Variants in TMEM214 observed in about 807,000 individuals in gnomAD.
TMEM214 encodes the protein transmembrane protein 214.
A neutral mutation model predicts 89.8 loss-of-function variants in TMEM214; 71 were observed. The ratio of observed to expected loss-of-function variants is 0.79; its 90% CI spans 0.65 to 0.96. The LOEUF is 0.96. Ranked by LOEUF, TMEM214 falls within the 40% of genes least tolerant of loss-of-function variation. TMEM214 has a pLI of 0.00. For missense variants in TMEM214, 754 were observed against 843.4 expected (o/e 0.89, Z 1.31); for synonymous variants, 332 against 349.5 (o/e 0.95, Z 0.56).
intron 2 of TMEM214, chr2:27,034,524 G>C: frequency 4.3e-6 from 2 of 467,878 alleles, no homozygotes; most frequent in East Asian, 7.8e-5. Context: ...CCAGGGAGGA[G>C]ATGGAGAAAC....
chr2:27,035,253 T>C lies in TMEM214; in HGVS notation c.470T>C (p.Leu157Pro). The C allele has an allele frequency of 6.2e-7, 1 of 1,614,232 alleles. No individual in the cohort carries two copies. The highest frequency in any genetic ancestry group is 8.5e-7 in the Non-Finnish European group (1 of 1,180,042). ...SYLNYKLQAP[L>P]SEPTLSQHTH... ...CTCAACTACAAGCTACAAGCTCCTC[T>C]AAGTGAACCCACGCTGAGCCAGCAT... Residue 157 changes from leucine to proline, a missense_variant, in exon 3 of 17, where the codon CTA (leucine) becomes CCA (proline). Transcript: ENST00000238788.
At chr2:27,039,443 G>A (rs955560998) in intron 13 of TMEM214, 58 of 590,434 alleles carry the variant, frequency 9.8e-5, no homozygotes, top group Non-Finnish European at 1.6e-4. Context: ...TCAGAAAGAT[G>A]TAGCAATTAG....
At position 27,032,994 on chromosome 2, in the gene TMEM214, C is replaced by T. The variant is rs887712464; in HGVS notation, c.-22C>T. ...CGGACCGGAAAGCCGGGGAAGTGGC[C>T]GAGGAGGGAGGGCTGCGAGCCATGG... is the stretch of plus-strand genomic sequence containing the variant. On this transcript the variant is annotated 5_prime_UTR_variant, in exon 1 of 17. Coordinates refer to ENST00000238788, the MANE Select transcript of TMEM214 (RefSeq NM_017727.5). The T allele has an allele frequency of 8.0e-7, 1 of 1,245,368 alleles. No individual in the cohort carries two copies. The allele number at this position is 1,245,368 out of a possible 1,614,324, so 77.1% of individuals were successfully genotyped here.
At chr2:27,039,653 G>C in intron 13 of TMEM214, 88 bp from the exon 14 acceptor site, 1 of 1,163,138 alleles carries the variant, frequency 8.6e-7, no homozygotes, top group Non-Finnish European at 1.3e-6. Flanking sequence ...CCAGCGCCTC[G>C]CTGTGCCTGC....
chr2:27,039,906 A>G (rs945449204), intron 14 of TMEM214, 69 bp downstream of exon 14: 82 of 1,475,292 alleles, frequency 5.6e-5, no homozygotes, highest in Non-Finnish European at 7.7e-5. Context: ...GGAGGAGGCG[A>G]CAGTCAGTGG....
In TMEM214 at chr2:27,040,416, C is replaced by A; in HGVS notation, c.1863C>A (p.His621Gln). The A allele has an allele frequency of 6.2e-7, 1 of 1,614,238 alleles. No homozygotes were observed. The highest frequency in any genetic ancestry group is 8.5e-7 in the Non-Finnish European group (1 of 1,180,042). Residue 621 changes from histidine (H) to glutamine (Q), a missense_variant, in exon 16 of 17, where the codon CAC becomes CAA. Coordinates refer to ENST00000238788, the MANE Select transcript of TMEM214 (RefSeq NM_017727.5). The part of the protein sequence containing the change: ...RYLRELPLLF[H>Q]QNVLLPLWHL... ...TGAGAGAGCTGCCCCTGCTTTTCCA[C>A]CAGAATGTGCTGCTGCCACTGTGGC... is the stretch of plus-strand genomic sequence containing the variant.
intron 13 of TMEM214, chr2:27,039,375 A>G (rs1208785139): frequency 5.0e-6 from 3 of 595,018 alleles, no homozygotes; most frequent in South Asian, 2.0e-5. Context: ...AAGTGCTTGC[A>G]TATTCATAGT....
chr2:27,033,157 G>A lies in TMEM214; in HGVS notation c.142G>A (p.Asp48Asn), dbSNP rs1266127634. The change falls in exon 1 of 17, where the codon GAC becomes AAC. Residue 48 changes from aspartate to asparagine, a missense_variant. By Grantham distance (23) the Asp-to-Asn change is conservative. Coordinates refer to ENST00000238788, the MANE Select transcript of TMEM214 (RefSeq NM_017727.5). The stretch of plus-strand genomic sequence containing the variant: ...GGAAGCAAACGGAGTGTGGAAATAC[G>A]ACCTGACCCGTGAGTACCCGCCCTG... ...LGEANGVWKY[D>N]LTPAIQTTST... 1 of 1,239,554 alleles carries A rather than the reference G, an allele frequency of 8.1e-7. No individual in the cohort carries two copies. The highest frequency in any genetic ancestry group is 4.1e-5 in the South Asian group (1 of 24,300). The allele number at this position is 1,239,554 out of a possible 1,614,324, so 76.8% of individuals were successfully genotyped here. A position where few individuals can be genotyped will look rare whatever the true frequency, so the allele number is the denominator to read the frequency against.
At chr2:27,037,795 A>G (rs1056041297) in intron 9 of TMEM214, 93 bp downstream of exon 9, 1 of 1,611,804 alleles carries the variant, frequency 6.2e-7, no homozygotes, top group Non-Finnish European at 8.5e-7. Context: ...CACAGAGCCC[A>G]TTCTGAGGCT....
At chr2:27,036,858 T>C (rs1663458815) in intron 7 of TMEM214, 72 bp downstream of exon 7, 2 of 1,487,588 alleles carry the variant, frequency 1.3e-6, no homozygotes, top group African/African-American at 1.4e-5. Context: ...AATGGGAGGC[T>C]ATGATCTTGG....
rs746295903 is a variant in TMEM214, at chr2:27,038,285, G to A, written c.1244+48G>A. The A allele has an allele frequency of 3.8e-6, 6 of 1,599,172 alleles. No individual in the cohort carries two copies. Among genetic ancestry groups the A allele is most frequent in the African/African-American group, 1.3e-5 (1 of 74,624 alleles). ...CTGTCCCTGTGCTAGAAGCAGAAGG[G>A]GAGCCTGGGTCACTGTCCCATGGCC... On this transcript the variant is annotated intron_variant, in intron 10 of 16. Coordinates refer to ENST00000238788, the MANE Select transcript of TMEM214 (RefSeq NM_017727.5). The surrounding 1 kb of genome is among the most constrained non-coding windows in gnomAD (Gnocchi z 4.4).
At position 27,040,076 on chromosome 2, in the gene TMEM214, G is replaced by A. The variant is rs201657793; in HGVS notation, c.1669G>A (p.Val557Met). Residue 557 changes from valine to methionine, a missense_variant, in exon 15 of 17, where the codon GTG becomes ATG. Transcript: ENST00000238788. ...LPLWGSHLLTVVRPSLQLAWA... is the reference protein window; with the variant it reads ...LPLWGSHLLTMVRPSLQLAWA... ...GCTCTGGGGCTCCCACCTGCTCACC[G>A]TGGTGCGGCCCAGCTTGCAGCTGGC... 2.2e-4 allele frequency: 347 copies of A among 1,608,722 alleles called. 3 individuals are homozygous for A. The African/African-American group carries it at 3.6e-3, about 17-fold the overall frequency.
At position 27,035,156 on chromosome 2, in the gene TMEM214, A is replaced by C; in HGVS notation, c.373A>C (p.Lys125Gln). Reference sequence around the variant, plus strand: ...GCAGCTGGATGTGGCAGACCTGCAGAAGGAACTGGACAAGAGCCAGAGTGT... The same window carrying C: ...GCAGCTGGATGTGGCAGACCTGCAGCAGGAACTGGACAAGAGCCAGAGTGT... ...LKALDVADLQKELDKSQSVFS... is the reference protein window; with the variant it reads ...LKALDVADLQQELDKSQSVFS... The change falls in exon 3 of 17, where the codon AAG becomes CAG. Residue 125 changes from lysine (K) to glutamine (Q), a missense_variant. Physicochemically the swap from Lys to Gln is moderately conservative, Grantham distance 53. Transcript: ENST00000238788. The C allele has an allele frequency of 6.2e-7, 1 of 1,614,108 alleles. No homozygotes were observed.
In TMEM214 at chr2:27,039,765, G is replaced by A. The variant is rs1473707933; in HGVS notation, c.1550G>A (p.Arg517Gln). ...FQASLTGRLL[R>Q]SSGFLPASQQ... Reference sequence around the variant, plus strand: ...GCCTCCCTTACTGGCCGGTTGCTTCGATCATCTGGCTTCTTACCTGCTAGC... The same window carrying A: ...GCCTCCCTTACTGGCCGGTTGCTTCAATCATCTGGCTTCTTACCTGCTAGC... The change falls in exon 14 of 17, where the codon CGA becomes CAA. Residue 517 changes from arginine to glutamine, a missense_variant. Transcript: ENST00000238788. 5.0e-6 allele frequency: 8 copies of A among 1,614,170 alleles called. No individual in the cohort carries two copies. The highest frequency in any genetic ancestry group is 4.4e-5 in the South Asian group (4 of 91,082).
At chr2:27,039,561 C>G (rs1379193691) in intron 13 of TMEM214, 180 bp from the exon 14 acceptor site, 1 of 634,294 alleles carries the variant, frequency 1.6e-6, no homozygotes, top group African/African-American at 1.8e-5. Flanking sequence ...CCTGGCCCAG[C>G]AGGAGAAGGG....
Position 27,037,562 on chromosome 2 carries a change from C to T in TMEM214, c.1012C>T (p.Leu338=), listed in dbSNP as rs753222504. ...GTCTTTCCTCCCCACCCCACCCAGC[C>T]TGCAGGAGCAGCTGTGTCAGCTCTA... The part of the protein sequence containing the change: ...YMPNNSLTPS[L]QEQLCQLYPR... The change falls in exon 9 of 17, where the codon CTG becomes TTG. Residue 338 remains leucine, a splice_region_variant and synonymous_variant. Transcript: ENST00000238788. 1 of 1,614,222 alleles carries T rather than the reference C, an allele frequency of 6.2e-7. No homozygotes were observed. Among genetic ancestry groups the T allele is most frequent in the Non-Finnish European group, 8.5e-7 (1 of 1,180,042 alleles).
Position 27,035,566 on chromosome 2 carries a change from C to G in TMEM214, c.503-28C>G, listed in dbSNP as rs1031613970. ...AGAGCTGATGGGTGTCTGGTCCTAG[C>G]ACTCACATTGAGGCCTATGGGCCTT... On this transcript the variant is annotated intron_variant, in intron 3 of 16. Coordinates refer to ENST00000238788, the MANE Select transcript of TMEM214 (RefSeq NM_017727.5). The G allele has an allele frequency of 1.9e-6, 3 of 1,613,302 alleles. No individual in the cohort carries two copies. The Admixed American group carries it at 5.0e-5, about 27-fold the overall frequency.
intron 5 of TMEM214, among the ~76,000 whole-genome samples, 161 bp from the exon 6 acceptor site, chr2:27,036,326 C>G (rs537335300): frequency 6.6e-6 from 1 of 152,206 alleles, no homozygotes; most frequent in African/African-American, 2.4e-5. Context: ...AGAGTATGGG[C>G]GAAGCCCACA....
At position 27,036,686 on chromosome 2, in the gene TMEM214, G is replaced by A. The variant is rs760193231; in HGVS notation, c.827-19G>A. The A allele has an allele frequency of 1.5e-5, 25 of 1,614,020 alleles. No homozygotes were observed. In the African/African-American group the frequency reaches 1.6e-4, roughly 10 times the overall value. ...TAGGTGCAAGCCTGAGGCCTCCCTC[G>A]TGACTTTTACCCCTGCAGTGTGGCT... On this transcript the variant is annotated intron_variant, in intron 6 of 16. Coordinates refer to ENST00000238788, the MANE Select transcript of TMEM214 (RefSeq NM_017727.5).
Sources: gnomAD v4.1 joint callset for allele counts (sites outside exome capture counted in the v4.1 genomes callset) on GRCh38, gnomAD v4.1.1 for gene constraint, Gnocchi (gnomAD v3.1) non-coding constraint, MANE v1.5 for transcripts, NCBI Gene and HGNC (gene_info 2026-07-23, HGNC 2026-07-21) for gene names.